The following CAMKMT variants were observed in gnomAD, a reference collection of about 807,000 sequenced individuals.
CAMKMT encodes the protein CaM KMT.
In CAMKMT, 53 loss-of-function variants were observed where a neutral mutation model predicts 48.0. The observed-to-expected ratio is 1.10, with a 90% CI of 0.89 to 1.39. The LOEUF (loss-of-function observed/expected upper bound fraction) is 1.39. Among genes scored for constraint, CAMKMT ranks in the 40% most tolerant of loss-of-function variants. CAMKMT has a pLI of 0.00. For missense variants in CAMKMT, 428 were observed against 402.7 expected (o/e 1.06, Z -0.54); for synonymous variants, 165 against 152.3 (o/e 1.08, Z -0.61).
At chr2:44,601,196 C>T (rs1402404492) in intron 3 of CAMKMT, among the ~76,000 whole-genome samples, 2 of 152,078 alleles carry the variant, frequency 1.3e-5, no homozygotes, top group Admixed American at 6.6e-5. Flanking sequence ...GTGGCTCACG[C>T]CTGTAATCCC....
chr2:44,457,169 A>G (rs1354072107), intron 3 of CAMKMT: 1 of 152,194 alleles, frequency 6.6e-6, no homozygotes, highest in Non-Finnish European at 1.5e-5. Context: ...CTCTCTGGAA[A>G]TAACCACAAT....
chr2:44,402,806 T>C (rs1682515359), intron 3 of CAMKMT, among the ~76,000 whole-genome samples: 2 of 150,370 alleles, frequency 1.3e-5, no homozygotes, highest in Admixed American at 6.6e-5. Context: ...TTATTTCTAT[T>C]TTTACGCTTT....
chr2:44,507,776 G>C (rs2104759233), intron 3 of CAMKMT, among the ~76,000 whole-genome samples: 2 of 152,262 alleles, frequency 1.3e-5, no homozygotes, highest in South Asian at 4.1e-4. Flanking sequence ...TTAGCAGCTT[G>C]TACCAGAATT....
chr2:44,673,607 G>T (rs1675490755), intron 3 of CAMKMT, among the ~76,000 whole-genome samples: 2 of 152,012 alleles, frequency 1.3e-5, no homozygotes, highest in Admixed American at 1.3e-4. Flanking sequence ...AGGCAAAGAG[G>T]GGTTCTCATT....
At chr2:44,572,458 T>C (rs1421749033) in intron 3 of CAMKMT, among the ~76,000 whole-genome samples, 1 of 152,238 alleles carries the variant, frequency 6.6e-6, no homozygotes, top group East Asian at 1.9e-4. Context: ...TGTCAGAATT[T>C]CATTCCTTTT....
At chr2:44,449,378 ATTTG>A (rs1441297680) in intron 3 of CAMKMT, among the ~76,000 whole-genome samples, 1 of 152,092 alleles carries the variant, frequency 6.6e-6, no homozygotes, top group East Asian at 1.9e-4. Flanking sequence ...AGCCCTGATA[ATTTG>A]TTTAACTGTT....
At chr2:44,694,046 A>G (rs1466306142) in intron 3 of CAMKMT, among the ~76,000 whole-genome samples, 2 of 152,192 alleles carry the variant, frequency 1.3e-5, no homozygotes, top group Non-Finnish European at 2.9e-5. Flanking sequence ...AAGTACAAGC[A>G]GTTGGTGGGG....
At chr2:44,453,000 A>G (rs1303574341) in intron 3 of CAMKMT, among the ~76,000 whole-genome samples, 1 of 152,040 alleles carries the variant, frequency 6.6e-6, no homozygotes, top group African/African-American at 2.4e-5. Flanking sequence ...TGCTAGTTTA[A>G]AAGATGTCTA....
At chr2:44,635,771 A>G (rs1329668953) in intron 3 of CAMKMT, among the ~76,000 whole-genome samples, 1 of 152,206 alleles carries the variant, frequency 6.6e-6, no homozygotes, top group East Asian at 1.9e-4. Flanking sequence ...GAGGTTAGCA[A>G]TCTAACCTAG....
At chr2:44,669,436 A>G (rs73924521) in intron 3 of CAMKMT, among the ~76,000 whole-genome samples, 2,304 of 152,280 alleles carry the variant, frequency 0.015, 55 homozygotes, top group African/African-American at 0.052. Flanking sequence ...TCTGTAGGGC[A>G]TATACTGAGG....
chr2:44,684,283 G>A (rs1031923021), intron 3 of CAMKMT, among the ~76,000 whole-genome samples: 44 of 152,280 alleles, frequency 2.9e-4, no homozygotes, highest in African/African-American at 1.1e-3. Context: ...CGTGTGTCCT[G>A]GTGTGAAAGG....
At chr2:44,662,819 C>A (rs932907792) in intron 3 of CAMKMT, among the ~76,000 whole-genome samples, 1 of 152,162 alleles carries the variant, frequency 6.6e-6, no homozygotes, top group African/African-American at 2.4e-5. Context: ...CTACCTCAGC[C>A]TCCCAAAGTG....
At chr2:44,448,058 C>T (rs779894347) in intron 3 of CAMKMT, among the ~76,000 whole-genome samples, 2 of 152,022 alleles carry the variant, frequency 1.3e-5, no homozygotes, top group African/African-American at 2.4e-5. Flanking sequence ...GATTTATTCA[C>T]GTTGCTGCAC....
intron 3 of CAMKMT, among the ~76,000 whole-genome samples, chr2:44,492,566 A>G (rs1479779004): frequency 6.6e-6 from 1 of 152,176 alleles, no homozygotes; most frequent in Admixed American, 6.5e-5. Flanking sequence ...AACTTAACTA[A>G]TAGGGCAAAA....
At chr2:44,752,153 G>C (rs1680180456) in intron 8 of CAMKMT, among the ~76,000 whole-genome samples, 1 of 151,998 alleles carries the variant, frequency 6.6e-6, no homozygotes, top group East Asian at 1.9e-4. Flanking sequence ...TGGCATCCTG[G>C]ATATTCCAGT....
At chr2:44,633,402 A>G (rs1451531577) in intron 3 of CAMKMT, among the ~76,000 whole-genome samples, 2 of 152,038 alleles carry the variant, frequency 1.3e-5, no homozygotes, top group African/African-American at 4.8e-5. Flanking sequence ...TCAATTATGT[A>G]TATGTTAGGC....
At chr2:44,709,525 G>A (rs1677758435) in intron 6 of CAMKMT, among the ~76,000 whole-genome samples, 1 of 152,010 alleles carries the variant, frequency 6.6e-6, no homozygotes. Flanking sequence ...TGTTTTTCCT[G>A]CTTTTAATAC....
At chr2:44,433,564 T>TA (rs1197677536) in intron 3 of CAMKMT, among the ~76,000 whole-genome samples, 1 of 152,134 alleles carries the variant, frequency 6.6e-6, no homozygotes, top group South Asian at 2.1e-4. Context: ...TAGTCTAAAT[T>TA]AAAAAAAGTC....
Position 44,362,154 on chromosome 2 carries a change from G to A in CAMKMT, c.138+9G>A, listed in dbSNP as rs1156392814. 6.8e-7 allele frequency: 1 copy of A among 1,462,620 alleles called. No homozygotes were observed. The highest frequency in any genetic ancestry group is 8.9e-7 in the Non-Finnish European group (1 of 1,119,720). 90.6% of individuals were successfully genotyped at this position (1,462,620 alleles called of 1,614,324 possible). A position where few individuals can be genotyped will look rare whatever the true frequency, so the allele number is the denominator to read the frequency against. Reference sequence around the variant, plus strand: ...GGAAGCTCCTGCGGCAGGTAAGGGAGAACCTGCTCGCCTCACCTTTGCCTC... The same window carrying A: ...GGAAGCTCCTGCGGCAGGTAAGGGAAAACCTGCTCGCCTCACCTTTGCCTC... On this transcript the variant is annotated intron_variant, in intron 1 of 10. Transcript: ENST00000378494.
Sources: allele counts gnomAD v4.1 joint callset (sites outside exome capture counted in the v4.1 genomes callset), GRCh38; gene constraint gnomAD v4.1.1; transcripts MANE v1.5; gene names NCBI Gene and HGNC (gene_info 2026-07-23, HGNC 2026-07-21).